Variants in CSTL1 observed in about 807,000 individuals in gnomAD.
CSTL1 encodes cystatin-like 1.
Under a neutral mutation model 14.4 loss-of-function variants are expected in CSTL1, and 14 were observed. The ratio of observed to expected loss-of-function variants is 0.97; its 90% CI spans 0.64 to 1.52. CSTL1 has a LOEUF of 1.52. Ranked by LOEUF, CSTL1 falls within the 40% of genes most tolerant of loss-of-function variation. The probability of loss-of-function intolerance (pLI) is 0.00; values close to 1 mark genes in which losing one functional copy is unlikely to be tolerated. For missense variants in CSTL1, 170 were observed against 168.7 expected, an observed-to-expected ratio of 1.01 and a Z score of -0.04; for synonymous variants, 72 against 67.5, an observed-to-expected ratio of 1.07 and a Z score of -0.33.
At chr20:23,446,400 C>T (rs982388302), downstream of CSTL1, among the ~76,000 whole-genome samples, 3 of 152,142 alleles carry the variant, frequency 2.0e-5, no homozygotes, top group Non-Finnish European at 4.4e-5. Context: ...GGACTACAGG[C>T]GTGCACTGCC....
downstream of CSTL1, among the ~76,000 whole-genome samples, chr20:23,445,419 AT>A (rs530932333): frequency 6.6e-6 from 1 of 151,858 alleles, no homozygotes; most frequent in Non-Finnish European, 1.5e-5. Context: ...TGTCCAGCTA[AT>A]TTTTTAAAAC....
At chr20:23,458,565 T>C in the CSTL1 span, 1 of 152,136 alleles carries the variant, frequency 6.6e-6, no homozygotes, top group African/African-American at 2.4e-5. Context: ...CCTGGCCAAA[T>C]TGAACGAATG....
downstream of CSTL1, among the ~76,000 whole-genome samples, chr20:23,445,234 T>C (rs1258574825): frequency 8.0e-6 from 1 of 125,634 alleles, no homozygotes; most frequent in African/African-American, 2.7e-5. Context: ...TTTCTTTCTT[T>C]TTTTTTTTTT....
At chr20:23,452,776 C>T in the CSTL1 span, 1 of 1,614,166 alleles carries the variant, frequency 6.2e-7, no homozygotes, top group Non-Finnish European at 8.5e-7. Flanking sequence ...GAATGGCCAA[C>T]AGGAGCTGTA....
At chr20:23,443,374 A>ATTGTGGT (rs1568635551) in intron 2 of CSTL1, among the ~76,000 whole-genome samples, 3 of 152,332 alleles carry the variant, frequency 2.0e-5, no homozygotes, top group East Asian at 1.9e-4. Flanking sequence ...AGCAGGCACA[A>ATTGTGGT]TTGTGGTTTG....
In CSTL1 at chr20:23,444,918, C is replaced by A; in HGVS notation, c.*40C>A. On this transcript the variant is annotated 3_prime_UTR_variant, in exon 4 of 4. Coordinates refer to ENST00000347397, the MANE Select transcript of CSTL1 (RefSeq NM_138283.1). The stretch of plus-strand genomic sequence containing the variant: ...GAGTTGTGCACTGGCTGTTATTAAA[C>A]TGTAAAGGATCATGTCTCCCTCATT... The A allele has an allele frequency of 7.5e-7, 1 of 1,338,324 alleles. No individual in the cohort carries two copies. Among genetic ancestry groups the A allele is most frequent in the Non-Finnish European group, 1.1e-6 (1 of 928,818 alleles). 82.9% of individuals were successfully genotyped at this position (1,338,324 alleles called of 1,614,324 possible). A position where few individuals can be genotyped will look rare whatever the true frequency, so the allele number is the denominator to read the frequency against.
At chr20:23,443,385 T>C (rs1986883288) in intron 2 of CSTL1, among the ~76,000 whole-genome samples, 1 of 152,368 alleles carries the variant, frequency 6.6e-6, no homozygotes, top group Non-Finnish European at 1.5e-5. Flanking sequence ...TTGTGGTTTG[T>C]AGTTTGTAAG....
the CSTL1 span, among the ~76,000 whole-genome samples, chr20:23,461,116 A>G: frequency 6.6e-6 from 1 of 152,214 alleles, no homozygotes; most frequent in Admixed American, 6.5e-5. Flanking sequence ...AACCATCAAC[A>G]TCAAGGCAAG....
the CSTL1 span, among the ~76,000 whole-genome samples, chr20:23,453,194 C>T: frequency 1.3e-5 from 2 of 150,052 alleles, no homozygotes; most frequent in South Asian, 2.1e-4. Context: ...CCAGGACTGG[C>T]GCATTCATAG....
At chr20:23,453,001 G>T in the CSTL1 span, 2 of 600,036 alleles carry the variant, frequency 3.3e-6, no homozygotes, top group East Asian at 2.8e-5. Flanking sequence ...ACTGTGCAAT[G>T]GTTTTTGCAT....
downstream of CSTL1, among the ~76,000 whole-genome samples, chr20:23,447,461 CT>C (rs374794510): frequency 0.024 from 3,457 of 143,986 alleles, 131 homozygotes; most frequent in African/African-American, 0.088. Flanking sequence ...CTTTTCTTTT[CT>C]TTTTCTTTTT....
chr20:23,449,361 C>G (rs1282708946), downstream of CSTL1, among the ~76,000 whole-genome samples: 1 of 152,152 alleles, frequency 6.6e-6, no homozygotes, highest in Non-Finnish European at 1.5e-5. Flanking sequence ...AACTCCCTCT[C>G]CCCGCAGGGA....
the CSTL1 span, among the ~76,000 whole-genome samples, chr20:23,455,564 G>A: frequency 1.3e-5 from 2 of 152,206 alleles, no homozygotes; most frequent in African/African-American, 4.8e-5. Flanking sequence ...CAATGTCTGT[G>A]GGGTCTGACT....
chr20:23,453,859 C>T, the CSTL1 span, among the ~76,000 whole-genome samples: 2 of 152,078 alleles, frequency 1.3e-5, no homozygotes, highest in South Asian at 4.1e-4. Context: ...ACACTTGCTG[C>T]ATAGCCACAT....
chr20:23,445,085 C>T (rs1417667615), downstream of CSTL1, among the ~76,000 whole-genome samples: 1 of 152,106 alleles, frequency 6.6e-6, no homozygotes, highest in Non-Finnish European at 1.5e-5. Context: ...CACATACATG[C>T]ACATTCACTT....
the CSTL1 span, chr20:23,452,709 G>A: frequency 6.2e-7 from 1 of 1,614,050 alleles, no homozygotes; most frequent in Non-Finnish European, 8.5e-7. Context: ...ATCACTTCAT[G>A]GACGCTTAGA....
At chr20:23,447,183 C>T (rs1264548455), downstream of CSTL1, among the ~76,000 whole-genome samples, 1 of 152,218 alleles carries the variant, frequency 6.6e-6, no homozygotes, top group African/African-American at 2.4e-5. Flanking sequence ...AACATCCTAA[C>T]TTAACACAGC....
chr20:23,455,460 T>C, the CSTL1 span, among the ~76,000 whole-genome samples: 1 of 152,252 alleles, frequency 6.6e-6, no homozygotes, highest in Non-Finnish European at 1.5e-5. Context: ...ACTACATGTC[T>C]CCGGCAGAAT....
the CSTL1 span, among the ~76,000 whole-genome samples, chr20:23,453,805 A>G: frequency 6.6e-6 from 1 of 152,130 alleles, no homozygotes; most frequent in Non-Finnish European, 1.5e-5. Flanking sequence ...CCAGGAAGCC[A>G]GGGCCTCTTT....
Sources: gnomAD v4.1 joint callset for allele counts (sites outside exome capture counted in the v4.1 genomes callset) on GRCh38, gnomAD v4.1.1 for gene constraint, MANE v1.5 for transcripts, NCBI Gene and HGNC (gene_info 2026-07-23, HGNC 2026-07-21) for gene names.